TRMT9B: variants seen among roughly 807,000 people sequenced by gnomAD.
The protein encoded by TRMT9B is probable tRNA methyltransferase 9B.
TRMT9B carries 16 observed loss-of-function variants against 11.5 expected under a neutral mutation model. The observed-to-expected ratio is 1.39, with a 90% confidence interval of 0.94 to 2.11. TRMT9B has a LOEUF of 2.11. Among genes scored for constraint, TRMT9B ranks in the 30% most tolerant of loss-of-function variants. TRMT9B has a pLI of 0.00. For missense variants in TRMT9B, 941 were observed against 553.8 expected, an observed-to-expected ratio of 1.70 and a Z score of -7.02; for synonymous variants, 274 against 192.4, an observed-to-expected ratio of 1.42 and a Z score of -3.51.
Position 12,983,175 on chromosome 8 carries a change from TGAA to T in TRMT9B, c.-199-7656_-199-7654del, listed in dbSNP as rs535616544. Among the ~76,000 whole-genome samples, 576 of 152,308 alleles carry T rather than the reference TGAA, an allele frequency of 3.8e-3. 3 individuals carry two copies. Among genetic ancestry groups the T allele is most frequent in the African/African-American group, 0.013 (552 of 41,578 alleles). On this transcript the variant is annotated intron_variant, in intron 1 of 4. Transcript: ENST00000524591. ...GGAAGCATTTATGTAGTAGTGATGATGAAGATGACATTGTCAACACTGCAGAAA... is the reference window on the plus strand; with the variant it reads ...GGAAGCATTTATGTAGTAGTGATGATGATGACATTGTCAACACTGCAGAAA...
At chr8:12,956,007 G>T (rs1196877862) in intron 1 of TRMT9B, among the ~76,000 whole-genome samples, 3 of 152,150 alleles carry the variant, frequency 2.0e-5, no homozygotes, top group Non-Finnish European at 2.9e-5. Flanking sequence ...ACCCTAGGAA[G>T]CTGGTGACTG....
intron 1 of TRMT9B, among the ~76,000 whole-genome samples, chr8:12,975,678 C>T (rs751361561): frequency 1.1e-4 from 17 of 152,096 alleles, no homozygotes; most frequent in African/African-American, 4.1e-4. Flanking sequence ...GTGGAGGTAG[C>T]AGTGAGCCGA....
intron 4 of TRMT9B, among the ~76,000 whole-genome samples, chr8:13,016,606 T>C (rs954261943): frequency 2.0e-5 from 3 of 151,810 alleles, no homozygotes; most frequent in African/African-American, 7.3e-5. Context: ...GCCTTCATTT[T>C]ATTGGCATAT....
At chr8:12,966,138 C>G (rs2128865721) in intron 1 of TRMT9B, among the ~76,000 whole-genome samples, 1 of 129,222 alleles carries the variant, frequency 7.7e-6, no homozygotes, top group African/African-American at 2.6e-5. Flanking sequence ...CCAGCCTGGG[C>G]AACATAGTAA....
intron 1 of TRMT9B, among the ~76,000 whole-genome samples, chr8:12,958,051 C>A (rs1056612303): frequency 2.6e-5 from 4 of 152,242 alleles, no homozygotes; most frequent in Middle Eastern, 6.8e-3. Flanking sequence ...TAAAGACATA[C>A]CCGAGACTGG....
rs1361190300 is a variant in TRMT9B at position 13,012,751 on chromosome 8, G to A, written c.222G>A (p.Gly74=). 3 of 1,613,944 alleles carry A rather than the reference G, an allele frequency of 1.9e-6. No homozygotes were observed. In the East Asian group the frequency reaches 6.7e-5, roughly 36 times the overall value. The part of the protein sequence containing the change: ...QVHTVGCDYC[G]PLVEIARNRG... The stretch of plus-strand genomic sequence containing the variant: ...ATACCGTGGGCTGTGACTACTGTGG[G>A]CCACTGGTAGAGATTGCCCGGAATA... Residue 74 remains glycine (G), a synonymous_variant, in exon 4 of 5, where the codon GGG becomes GGA. Transcript: ENST00000524591.
intron 1 of TRMT9B, among the ~76,000 whole-genome samples, chr8:12,985,993 C>T (rs541323958): frequency 6.6e-6 from 1 of 152,116 alleles, no homozygotes; most frequent in Non-Finnish European, 1.5e-5. Context: ...TCCTGAGCAG[C>T]TGGGATTACA....
intron 1 of TRMT9B, among the ~76,000 whole-genome samples, chr8:12,974,466 A>G (rs537289305): frequency 1.4e-4 from 21 of 152,296 alleles, no homozygotes; most frequent in Admixed American, 1.2e-3. Context: ...GAAATTTATG[A>G]AAAATCTGTG....
At chr8:13,016,715 C>T (rs146773186) in intron 4 of TRMT9B, among the ~76,000 whole-genome samples, 384 of 151,690 alleles carry the variant, frequency 2.5e-3, no homozygotes, top group Non-Finnish European at 3.9e-3. Flanking sequence ...CAACAATGCC[C>T]TTCAGGCTAG....
chr8:12,960,952 C>G (rs1309236731), intron 1 of TRMT9B, among the ~76,000 whole-genome samples: 1 of 152,052 alleles, frequency 6.6e-6, no homozygotes, highest in African/African-American at 2.4e-5. Flanking sequence ...ACCATCCTGG[C>G]CAAAGTAGTG....
At position 13,027,245 on chromosome 8, in the gene TRMT9B, C is replaced by A. The variant is rs1271096647; in HGVS notation, c.*5201C>A. 1 of 167,036 alleles carries A rather than the reference C, an allele frequency of 6.0e-6. No homozygotes were observed. The highest frequency in any genetic ancestry group is 2.4e-5 in the African/African-American group (1 of 41,452). 10.3% of individuals were successfully genotyped at this position (167,036 alleles called of 1,614,324 possible). A position where few individuals can be genotyped will look rare whatever the true frequency, so the allele number is the denominator to read the frequency against. ...AAGGTACCCAGAATATTAGAATTAA[C>A]TGACCCACAGGTGCCAAGCTGAAAC... On this transcript the variant is annotated 3_prime_UTR_variant, in exon 5 of 5. Coordinates refer to ENST00000524591, the MANE Select transcript of TRMT9B (RefSeq NM_020844.3).
At chr8:13,012,243 C>A (rs930805019) in intron 3 of TRMT9B, 73 of 985,192 alleles carry the variant, frequency 7.4e-5, no homozygotes, top group Non-Finnish European at 8.6e-5. Flanking sequence ...TTGTGAATAC[C>A]TTCACACCAT....
chr8:12,957,163 T>C (rs75818879), intron 1 of TRMT9B, among the ~76,000 whole-genome samples: 9,214 of 152,218 alleles, frequency 0.061, 341 homozygotes, highest in African/African-American at 0.096. Flanking sequence ...CATGAACATG[T>C]TTCTGCTTTC....
intron 1 of TRMT9B, among the ~76,000 whole-genome samples, chr8:12,965,320 G>C (rs537686613): frequency 6.6e-6 from 1 of 152,290 alleles, no homozygotes; most frequent in South Asian, 2.1e-4. Flanking sequence ...AGCTCAGTTG[G>C]AAAGAAACAG....
At chr8:13,003,453 G>A (rs1005591579) in intron 2 of TRMT9B, among the ~76,000 whole-genome samples, 1 of 152,104 alleles carries the variant, frequency 6.6e-6, no homozygotes, top group Non-Finnish European at 1.5e-5. Flanking sequence ...TGGAGGAGAT[G>A]ATGCCTTTTC....
intron 1 of TRMT9B, among the ~76,000 whole-genome samples, chr8:12,989,374 C>T (rs1399063802): frequency 1.3e-5 from 2 of 152,168 alleles, no homozygotes; most frequent in African/African-American, 2.4e-5. Context: ...GATTCATGCA[C>T]TTTAGACAGA....
At chr8:12,982,842 G>A (rs1176442603) in intron 1 of TRMT9B, among the ~76,000 whole-genome samples, 3 of 152,148 alleles carry the variant, frequency 2.0e-5, no homozygotes, top group Non-Finnish European at 4.4e-5. Flanking sequence ...TCAAAATGCA[G>A]CCACAGGACA....
At chr8:12,952,257 C>T (rs1377053905) in intron 1 of TRMT9B, 1 of 414,052 alleles carries the variant, frequency 2.4e-6, no homozygotes, top group Non-Finnish European at 5.0e-6. Flanking sequence ...GCTTCTGTTG[C>T]GCCCTAGATC....
intron 3 of TRMT9B, chr8:13,010,699 G>T: frequency 1.0e-6 from 1 of 984,798 alleles, no homozygotes; most frequent in African/African-American, 1.7e-5. Context: ...TAATATCATT[G>T]AAGTAACTTT....
Sources: allele counts gnomAD v4.1 joint callset (sites outside exome capture counted in the v4.1 genomes callset), GRCh38; gene constraint gnomAD v4.1.1; transcripts MANE v1.5; gene names NCBI Gene and HGNC (gene_info 2026-07-23, HGNC 2026-07-21).